The following NLN variants were observed in gnomAD, a reference collection of about 807,000 sequenced individuals.
NLN encodes neurolysin, mitochondrial.
A neutral mutation model predicts 79.9 loss-of-function variants in NLN; 64 were observed. The observed-to-expected ratio is 0.80, with a 90% CI of 0.65 to 0.99. The LOEUF is 0.99. Among genes scored for constraint, NLN ranks in the 50% least tolerant of loss-of-function variants. NLN has a pLI of 0.00. For synonymous variants in NLN, 267 were observed against 296.6 expected (o/e 0.90, Z 1.02); for missense variants, 835 against 858.7 (o/e 0.97, Z 0.34).
At chr5:65,797,270 G>A (rs575161204) in intron 9 of NLN, among the ~76,000 whole-genome samples, 1 of 152,338 alleles carries the variant, frequency 6.6e-6, no homozygotes, top group African/African-American at 2.4e-5. Context: ...GAACTGTAAA[G>A]ATGTCGTTAT....
intron 5 of NLN, among the ~76,000 whole-genome samples, chr5:65,780,654 G>A (rs1057327672): frequency 6.6e-6 from 1 of 151,474 alleles, no homozygotes; most frequent in Non-Finnish European, 1.5e-5. Flanking sequence ...TTCTTACTCA[G>A]TCCTGGGTCT....
At chr5:65,787,219 A>ACT (rs376220112) in intron 7 of NLN, among the ~76,000 whole-genome samples, 15 of 140,954 alleles carry the variant, frequency 1.1e-4, no homozygotes, top group South Asian at 2.3e-4. Flanking sequence ...AAACTCACTC[A>ACT]CTCTCTCTCT....
rs536958658 is a variant in NLN, at chr5:65,816,906, A to G, written c.1980+4515A>G. Among the ~76,000 whole-genome samples, 324 of 152,238 alleles carry G rather than the reference A, an allele frequency of 2.1e-3. 2 individuals carry two copies. Among genetic ancestry groups the G allele is most frequent in the African/African-American group, 7.5e-3 (310 of 41,532 alleles). On this transcript the variant is annotated intron_variant, in intron 12 of 12. Coordinates refer to ENST00000380985, the MANE Select transcript of NLN (RefSeq NM_020726.5). Reference sequence around the variant, plus strand: ...CAAAGCGTCAGTGCCTTCTATTGTTAGTCCCCAGGCACTAGAGAGGCTGGG... The same window carrying G: ...CAAAGCGTCAGTGCCTTCTATTGTTGGTCCCCAGGCACTAGAGAGGCTGGG...
At chr5:65,783,402 T>A (rs1759848246) in intron 6 of NLN, among the ~76,000 whole-genome samples, 1 of 152,082 alleles carries the variant, frequency 6.6e-6, no homozygotes, top group Non-Finnish European at 1.5e-5. Context: ...GTCATTGAGG[T>A]CATCTTCAGT....
At chr5:65,802,404 G>T (rs12654245) in intron 9 of NLN, among the ~76,000 whole-genome samples, 6,471 of 152,322 alleles carry the variant, frequency 0.042, 199 homozygotes, top group African/African-American at 0.078. Flanking sequence ...GCTGGCACTG[G>T]GGAACACAGT....
chr5:65,763,186 A>G (rs963054790), intron 3 of NLN, 78 bp downstream of exon 3: 1 of 1,236,594 alleles, frequency 8.1e-7, no homozygotes, highest in Non-Finnish European at 1.1e-6. Flanking sequence ...AATAAAACAT[A>G]CTGACTGGAT....
intron 1 of NLN, among the ~76,000 whole-genome samples, chr5:65,753,765 T>C (rs560583067): frequency 2.0e-5 from 3 of 152,250 alleles, no homozygotes; most frequent in South Asian, 2.1e-4. Context: ...ATATGTCCTA[T>C]GTTTTAGTCG....
At chr5:65,758,901 A>C in intron 2 of NLN, 75 bp downstream of exon 2, 1 of 1,319,100 alleles carries the variant, frequency 7.6e-7, no homozygotes, top group Non-Finnish European at 1.1e-6. Context: ...TCTGTCTTTC[A>C]GTTTTCCAGT....
chr5:65,776,951 C>T (rs1247210473), intron 3 of NLN, among the ~76,000 whole-genome samples: 2 of 152,144 alleles, frequency 1.3e-5, no homozygotes, highest in East Asian at 3.8e-4. Flanking sequence ...CCAGCTCTCC[C>T]CGTTTGGTAT....
At chr5:65,744,881 A>C (rs1457845008) in intron 1 of NLN, among the ~76,000 whole-genome samples, 1 of 145,612 alleles carries the variant, frequency 6.9e-6, no homozygotes, top group Non-Finnish European at 1.5e-5. Flanking sequence ...TTTCAAAAAA[A>C]AGAGAAAAGA....
intron 3 of NLN, among the ~76,000 whole-genome samples, chr5:65,765,214 C>T (rs1759426289): frequency 6.6e-6 from 1 of 151,752 alleles, no homozygotes; most frequent in Admixed American, 6.6e-5. Flanking sequence ...AAAAACCCAT[C>T]TCTACAAAAA....
At chr5:65,766,241 G>A (rs1214564262) in intron 3 of NLN, among the ~76,000 whole-genome samples, 1 of 152,186 alleles carries the variant, frequency 6.6e-6, no homozygotes, top group Non-Finnish European at 1.5e-5. Context: ...GCTATAAAGA[G>A]TACCTGAGAC....
intron 1 of NLN, among the ~76,000 whole-genome samples, chr5:65,754,083 A>T (rs536651865): frequency 1.3e-5 from 2 of 152,022 alleles, no homozygotes; most frequent in African/African-American, 4.8e-5. Context: ...TCATTCCTTT[A>T]TCAGTAGGAT....
intron 12 of NLN, 119 bp from the exon 13 acceptor site, chr5:65,822,662 T>C: frequency 1.4e-6 from 1 of 731,174 alleles, no homozygotes; most frequent in South Asian, 1.5e-5. Flanking sequence ...AGAAAACATC[T>C]AGACAGAGTA....
At chr5:65,787,986 A>T in intron 7 of NLN, 132 bp from the exon 8 acceptor site, 1 of 837,708 alleles carries the variant, frequency 1.2e-6, no homozygotes, top group Non-Finnish European at 1.9e-6. Context: ...CTCCTCCTTT[A>T]CCTCTTTCCG....
At chr5:65,758,866 G>T in intron 2 of NLN, 40 bp downstream of exon 2, 1 of 1,557,332 alleles carries the variant, frequency 6.4e-7, no homozygotes, top group Non-Finnish European at 8.8e-7. Flanking sequence ...TTCACTTTGT[G>T]GACATCTTAA....
chr5:65,745,869 G>A (rs72766096), intron 1 of NLN, among the ~76,000 whole-genome samples: 4,730 of 152,246 alleles, frequency 0.031, 78 homozygotes, highest in East Asian at 0.057. Context: ...AGAACCTCCC[G>A]GGTTTCTGAT....
chr5:65,804,592 C>T (rs1042414585), intron 9 of NLN, among the ~76,000 whole-genome samples: 7 of 152,138 alleles, frequency 4.6e-5, no homozygotes, highest in African/African-American at 1.4e-4. Context: ...TCCAGTGGTG[C>T]AGTCTCAGCT....
intron 10 of NLN, 65 bp downstream of exon 10, chr5:65,809,766 T>C (rs1450625542): frequency 4.8e-6 from 6 of 1,262,758 alleles, no homozygotes; most frequent in Non-Finnish European, 6.6e-6. Flanking sequence ...TGCTGTCACC[T>C]TCTTCTGTAG....
Sources: allele counts gnomAD v4.1 joint callset (sites outside exome capture counted in the v4.1 genomes callset), GRCh38; gene constraint gnomAD v4.1.1; transcripts MANE v1.5; gene names NCBI Gene and HGNC (gene_info 2026-07-23, HGNC 2026-07-21).